LHFPL2: variants seen among roughly 807,000 people sequenced by gnomAD.
The protein encoded by LHFPL2 is LHFPL tetraspan subfamily member 2 protein.
A neutral mutation model predicts 17.5 loss-of-function variants in LHFPL2; 7 were observed. The ratio of observed to expected loss-of-function variants is 0.40; its 90% CI spans 0.23 to 0.75. LHFPL2 has a LOEUF of 0.75. LHFPL2 is among the 30% of genes least tolerant of loss of function. The probability of loss-of-function intolerance (pLI) is 0.37; values close to 1 mark genes in which losing one functional copy is unlikely to be tolerated. For missense variants in LHFPL2, 241 were observed against 294.8 expected (o/e 0.82, Z 1.34); for synonymous variants, 134 against 116.2 (o/e 1.15, Z -0.99).
chr5:78,491,227 G>GGTAA (rs397726135), intron 4 of LHFPL2: 1 of 151,992 alleles, frequency 6.6e-6, no homozygotes, highest in South Asian at 2.1e-4. Flanking sequence ...GGGTGGAGTA[G>GGTAA]AGGGAATCAA....
chr5:78,581,348 G>A (rs1200496940), intron 2 of LHFPL2, among the ~76,000 whole-genome samples: 1 of 152,174 alleles, frequency 6.6e-6, no homozygotes, highest in South Asian at 2.1e-4. Flanking sequence ...AGTGGTGAGA[G>A]AGGGCATCCC....
intron 3 of LHFPL2, among the ~76,000 whole-genome samples, chr5:78,552,278 T>A (rs1022343519): frequency 3.9e-5 from 6 of 152,032 alleles, no homozygotes; most frequent in African/African-American, 1.2e-4. Context: ...GGACTACAGG[T>A]GCCCACCACC....
intron 3 of LHFPL2, among the ~76,000 whole-genome samples, chr5:78,515,010 A>G (rs1755249109): frequency 6.6e-6 from 1 of 152,194 alleles, no homozygotes. Context: ...AGATGTTCTG[A>G]CACTTCACCC....
chr5:78,548,150 C>G (rs191205407), intron 3 of LHFPL2, among the ~76,000 whole-genome samples: 1 of 152,238 alleles, frequency 6.6e-6, no homozygotes, highest in Non-Finnish European at 1.5e-5. Context: ...CTGGCCAGCA[C>G]GGCTGTAGCA....
intron 2 of LHFPL2, among the ~76,000 whole-genome samples, chr5:78,593,905 G>T (rs1230267865): frequency 1.3e-5 from 2 of 152,216 alleles, no homozygotes; most frequent in Admixed American, 1.3e-4. Context: ...GCAAGAAGGA[G>T]GGGGGATGGA....
intron 3 of LHFPL2, among the ~76,000 whole-genome samples, chr5:78,560,911 T>C (rs2112409781): frequency 6.6e-6 from 1 of 152,322 alleles, no homozygotes; most frequent in Middle Eastern, 3.4e-3. Flanking sequence ...GCAATAAAAA[T>C]ATTACTGTAA....
At chr5:78,596,908 G>A (rs771387001) in intron 2 of LHFPL2, among the ~76,000 whole-genome samples, 3 of 152,140 alleles carry the variant, frequency 2.0e-5, no homozygotes, top group African/African-American at 7.2e-5. Context: ...GATCTAGGTT[G>A]CCCATGTTGC....
chr5:78,555,035 T>G (rs1756536522), intron 3 of LHFPL2, among the ~76,000 whole-genome samples: 1 of 152,232 alleles, frequency 6.6e-6, no homozygotes, highest in Non-Finnish European at 1.5e-5. Flanking sequence ...TTGTATTTCT[T>G]GCCTGAGTTC....
chr5:78,614,644 T>C (rs558064921), intron 2 of LHFPL2, among the ~76,000 whole-genome samples: 1 of 152,370 alleles, frequency 6.6e-6, no homozygotes, highest in South Asian at 2.1e-4. Context: ...GGAACCCATA[T>C]TGACTCTGCA....
At chr5:78,529,786 A>G (rs543518400) in intron 3 of LHFPL2, among the ~76,000 whole-genome samples, 4 of 152,390 alleles carry the variant, frequency 2.6e-5, no homozygotes, top group Non-Finnish European at 5.9e-5. Flanking sequence ...AGACTGAATC[A>G]TAAATTTGTG....
chr5:78,591,278 T>A (rs2112460439), intron 2 of LHFPL2, among the ~76,000 whole-genome samples: 1 of 152,270 alleles, frequency 6.6e-6, no homozygotes, highest in South Asian at 2.1e-4. Flanking sequence ...CAAATGAAAT[T>A]CAAAGAACGG....
intron 2 of LHFPL2, among the ~76,000 whole-genome samples, chr5:78,588,011 C>T (rs1743487889): frequency 6.6e-6 from 1 of 152,330 alleles, no homozygotes; most frequent in South Asian, 2.1e-4. Context: ...GAGGATGTAC[C>T]CTGGTTCCAA....
intron 4 of LHFPL2, among the ~76,000 whole-genome samples, chr5:78,498,700 T>A (rs962876734): frequency 4.0e-5 from 6 of 150,124 alleles, no homozygotes; most frequent in African/African-American, 1.5e-4. Context: ...CTGGAGACAC[T>A]CTGCAGTACT....
intron 4 of LHFPL2, among the ~76,000 whole-genome samples, chr5:78,507,065 T>TCA (rs1754953585): frequency 6.6e-6 from 1 of 152,156 alleles, no homozygotes; most frequent in African/African-American, 2.4e-5. Context: ...GATCAGTGGC[T>TCA]CACACCTGTA....
chr5:78,500,025 A>C (rs956870455), intron 4 of LHFPL2, among the ~76,000 whole-genome samples: 1 of 66,264 alleles, frequency 1.5e-5, no homozygotes, highest in Non-Finnish European at 3.6e-5. Flanking sequence ...GACCAAAAGG[A>C]AAAAAAAAAA....
chr5:78,592,887 G>A (rs1482831698), intron 2 of LHFPL2, among the ~76,000 whole-genome samples: 2 of 152,182 alleles, frequency 1.3e-5, no homozygotes, highest in East Asian at 1.9e-4. Context: ...TGTTTCTTGG[G>A]TACAGAGTTT....
At chr5:78,500,883 G>C (rs566615459) in intron 4 of LHFPL2, among the ~76,000 whole-genome samples, 1 of 152,284 alleles carries the variant, frequency 6.6e-6, no homozygotes, top group African/African-American at 2.4e-5. Context: ...GGAGGGCCGG[G>C]TCTATATCAG....
At position 78,648,278 on chromosome 5, in the gene LHFPL2, T is replaced by A. The variant is rs909048996; in HGVS notation, c.-350+221A>T. Among the ~76,000 whole-genome samples the A allele has an allele frequency of 1.3e-5, 2 of 151,994 alleles. No individual in the cohort carries two copies. The highest frequency in any genetic ancestry group is 4.8e-5 in the African/African-American group (2 of 41,414). ...GCGGCGCTGAGAAGCAGCTGTTCCC[T>A]TCCCATTCCCAGCACCCAACGCCCA... is the stretch of plus-strand genomic sequence containing the variant. On this transcript the variant is annotated intron_variant, in intron 1 of 4. Coordinates refer to ENST00000380345, the MANE Select transcript of LHFPL2 (RefSeq NM_005779.3). This position sits in a 1 kb window ranked among gnomAD's most constrained non-coding sequence, Gnocchi z 5.4.
At chr5:78,544,511 G>A (rs1756209824) in intron 3 of LHFPL2, among the ~76,000 whole-genome samples, 3 of 152,154 alleles carry the variant, frequency 2.0e-5, no homozygotes, top group Admixed American at 1.3e-4. Flanking sequence ...TTCTTATAGG[G>A]CTACCATTTT....
Sources: gnomAD v4.1 joint callset for allele counts (sites outside exome capture counted in the v4.1 genomes callset) on GRCh38, gnomAD v4.1.1 for gene constraint, Gnocchi (gnomAD v3.1) non-coding constraint, MANE v1.5 for transcripts, NCBI Gene and HGNC (gene_info 2026-07-23, HGNC 2026-07-21) for gene names.